CNTNAP2: variants seen among roughly 807,000 people sequenced by gnomAD.
CNTNAP2 encodes the protein contactin associated protein 2.
In CNTNAP2, 98 loss-of-function variants were observed where a neutral mutation model predicts 155.2. The ratio of observed to expected loss-of-function variants is 0.63; its 90% CI spans 0.54 to 0.75. CNTNAP2 has a LOEUF of 0.75. CNTNAP2 is among the 30% of genes least tolerant of loss of function. The pLI is 0.00. For synonymous variants in CNTNAP2, 651 were observed against 631.2 expected (o/e 1.03, Z -0.47); for missense variants, 1,727 against 1,688.1 (o/e 1.02, Z -0.40).
Position 146,244,665 on chromosome 7 carries a change from AAG to A in CNTNAP2, c.97+127695_97+127696del, listed in dbSNP as rs1240359145. 2.6e-5 allele frequency among the ~76,000 whole-genome samples: 4 copies of A among 152,258 alleles called. No homozygotes were observed. In the East Asian group the frequency reaches 5.8e-4, roughly 22 times the overall value. ...GGATATAAAGGTTTCACTGAATACT[AAG>A]AGCCTGAAAAACTGCTTGGCTGATT... On this transcript the variant is annotated intron_variant, in intron 1 of 23. Transcript: ENST00000361727.
chr7:146,373,008 T>C (rs1308621169), intron 1 of CNTNAP2, among the ~76,000 whole-genome samples: 1 of 152,078 alleles, frequency 6.6e-6, no homozygotes, highest in African/African-American at 2.4e-5. Context: ...AGGCATGTGA[T>C]AATAAGAAGG....
intron 10 of CNTNAP2, among the ~76,000 whole-genome samples, chr7:147,471,945 C>CA (rs1333285038): frequency 1.3e-5 from 2 of 151,902 alleles, no homozygotes; most frequent in Admixed American, 6.6e-5. Flanking sequence ...AGGGAAGAAC[C>CA]AAAAAATACA....
intron 2 of CNTNAP2, among the ~76,000 whole-genome samples, chr7:146,781,935 C>T (rs1252426279): frequency 1.3e-5 from 2 of 152,216 alleles, no homozygotes; most frequent in African/African-American, 2.4e-5. Context: ...TGGTACTCTT[C>T]TGCTGTCTCT....
chr7:146,862,089 T>C (rs903110391), intron 3 of CNTNAP2, among the ~76,000 whole-genome samples: 1 of 152,140 alleles, frequency 6.6e-6, no homozygotes, highest in African/African-American at 2.4e-5. Context: ...GGGAAAATGA[T>C]AGATGCAGGC....
chr7:146,523,218 A>G (rs1797640320), intron 1 of CNTNAP2, among the ~76,000 whole-genome samples: 1 of 152,090 alleles, frequency 6.6e-6, no homozygotes, highest in South Asian at 2.1e-4. Context: ...TAGCTTAGAT[A>G]GAATAGCCAG....
At chr7:147,129,948 T>G (rs1304349362) in intron 7 of CNTNAP2, among the ~76,000 whole-genome samples, 2 of 152,186 alleles carry the variant, frequency 1.3e-5, no homozygotes, top group African/African-American at 4.8e-5. Flanking sequence ...GCTCCATTTA[T>G]AGGCAACAGG....
chr7:147,232,217 G>A (rs1803696245), intron 8 of CNTNAP2, among the ~76,000 whole-genome samples: 2 of 152,176 alleles, frequency 1.3e-5, no homozygotes, highest in Admixed American at 6.5e-5. Flanking sequence ...TACATGGATT[G>A]GAAGAATCAA....
chr7:147,334,713 T>C (rs973130239), intron 9 of CNTNAP2, among the ~76,000 whole-genome samples: 42 of 152,208 alleles, frequency 2.8e-4, no homozygotes, highest in African/African-American at 1.0e-3. Flanking sequence ...GCAGTGTGAC[T>C]CCCTTACTGT....
At position 146,510,149 on chromosome 7, in the gene CNTNAP2, G is replaced by A. The variant is rs1162379876; in HGVS notation, c.98-264122G>A. ...AAGGGACCACAGGCAGTTGGGACAT[G>A]GCTTTATTCTCTCCCCCTCCTACAG... On this transcript the variant is annotated intron_variant, in intron 1 of 23. Coordinates refer to ENST00000361727, the MANE Select transcript of CNTNAP2 (RefSeq NM_014141.6). 2.0e-5 allele frequency among the ~76,000 whole-genome samples: 3 copies of A among 152,246 alleles called. No individual in the cohort carries two copies. In the East Asian group the frequency reaches 5.8e-4, roughly 29 times the overall value.
chr7:146,679,883 C>CT (rs1222725154), intron 1 of CNTNAP2, among the ~76,000 whole-genome samples: 1 of 151,424 alleles, frequency 6.6e-6, no homozygotes, highest in African/African-American at 2.4e-5. Flanking sequence ...ATAAGACATT[C>CT]TTTTTTTTAA....
chr7:148,126,852 G>T (rs796877479), intron 16 of CNTNAP2, among the ~76,000 whole-genome samples: 4 of 152,164 alleles, frequency 2.6e-5, no homozygotes, highest in Non-Finnish European at 5.9e-5. Context: ...TGTTCGCCTG[G>T]CCCCAAGATA....
chr7:148,355,809 G>T (rs1030448232), intron 21 of CNTNAP2, among the ~76,000 whole-genome samples: 1 of 152,176 alleles, frequency 6.6e-6, no homozygotes, highest in East Asian at 1.9e-4. Context: ...TCCAGCAAAG[G>T]TCTGTCTGTA....
intron 3 of CNTNAP2, among the ~76,000 whole-genome samples, chr7:146,862,957 G>A (rs947352316): frequency 6.6e-6 from 1 of 152,156 alleles, no homozygotes; most frequent in African/African-American, 2.4e-5. Flanking sequence ...CAACCTTCAT[G>A]CATATAGATT....
At chr7:146,443,238 A>T (rs1452590863) in intron 1 of CNTNAP2, among the ~76,000 whole-genome samples, 1 of 149,272 alleles carries the variant, frequency 6.7e-6, no homozygotes, top group Non-Finnish European at 1.5e-5. Flanking sequence ...AATAATAAAT[A>T]AATAAATAAA....
intron 8 of CNTNAP2, among the ~76,000 whole-genome samples, chr7:147,225,778 G>A (rs796420239): frequency 2.0e-4 from 27 of 132,744 alleles, no homozygotes; most frequent in African/African-American, 7.7e-4. Flanking sequence ...AAGGAAGGAA[G>A]GAAGGAAGGA....
intron 14 of CNTNAP2, among the ~76,000 whole-genome samples, chr7:147,976,364 G>C (rs1468287881): frequency 6.6e-6 from 1 of 152,004 alleles, no homozygotes; most frequent in Admixed American, 6.6e-5. Flanking sequence ...AATATCAAAG[G>C]CTTTGTTTCC....
At chr7:146,669,385 C>T (rs1800256827) in intron 1 of CNTNAP2, among the ~76,000 whole-genome samples, 1 of 152,092 alleles carries the variant, frequency 6.6e-6, no homozygotes, top group Non-Finnish European at 1.5e-5. Flanking sequence ...TAGAATTTTT[C>T]TTTTGATAGC....
At chr7:146,556,465 C>T (rs1270884293) in intron 1 of CNTNAP2, among the ~76,000 whole-genome samples, 1 of 152,154 alleles carries the variant, frequency 6.6e-6, no homozygotes, top group African/African-American at 2.4e-5. Flanking sequence ...TCATGCAGAA[C>T]AGCGTATTAT....
At position 148,417,048 on chromosome 7, in the gene CNTNAP2, TATC is replaced by T. The variant is rs1327560519; in HGVS notation, c.*1438_*1440del. 2.8e-5 allele frequency: 4 copies of T among 144,830 alleles called. No homozygotes were observed. In the East Asian group the frequency reaches 7.7e-4, roughly 28 times the overall value. The allele number at this position is 144,830 out of a possible 1,614,324, so 9.0% of individuals were successfully genotyped here. A position where few individuals can be genotyped will look rare whatever the true frequency, so the allele number is the denominator to read the frequency against. On this transcript the variant is annotated 3_prime_UTR_variant, in exon 24 of 24. Transcript: ENST00000361727. ...AATTATTTCCAGAAAGGCTACCATT[TATC>T]ATCATTATATTTCAAGCCTCTTATA...
Sources: allele counts gnomAD v4.1 joint callset (sites outside exome capture counted in the v4.1 genomes callset), GRCh38; gene constraint gnomAD v4.1.1; transcripts MANE v1.5; gene names NCBI Gene and HGNC (gene_info 2026-07-23, HGNC 2026-07-21).